FAT3: variants seen among roughly 807,000 people sequenced by gnomAD.
FAT3 encodes the protein FAT atypical cadherin 3.
Under a neutral mutation model 310.2 loss-of-function variants are expected in FAT3, and 95 were observed. That is an observed-to-expected ratio of 0.31 (90% CI 0.26 to 0.36). The LOEUF is 0.36. FAT3 is among the 10% of genes least tolerant of loss of function. The pLI is 1.00. For missense variants in FAT3, 5,408 were observed against 5,715.6 expected (o/e 0.95, Z 1.74); for synonymous variants, 2,314 against 2,192.9 (o/e 1.06, Z -1.54).
chr11:92,590,919 T>C (rs538982550), intron 3 of FAT3, among the ~76,000 whole-genome samples: 4 of 152,158 alleles, frequency 2.6e-5, no homozygotes, highest in East Asian at 1.9e-4. Context: ...ACTAAGTCGA[T>C]TACAAGAAAA....
intron 3 of FAT3, among the ~76,000 whole-genome samples, chr11:92,567,053 A>G (rs1227304655): frequency 2.6e-5 from 4 of 152,212 alleles, no homozygotes; most frequent in African/African-American, 9.6e-5. Flanking sequence ...TAATTAAACT[A>G]AAGAGCTTCT....
chr11:92,504,337 T>G (rs1405281262), intron 2 of FAT3, among the ~76,000 whole-genome samples: 2 of 152,134 alleles, frequency 1.3e-5, no homozygotes, highest in African/African-American at 4.8e-5. Context: ...CTACTATGCC[T>G]GTTTGTTTAA....
At chr11:92,342,237 G>T (rs892295123) in intron 1 of FAT3, among the ~76,000 whole-genome samples, 4 of 152,046 alleles carry the variant, frequency 2.6e-5, no homozygotes, top group African/African-American at 7.2e-5. Flanking sequence ...TTTGGAAAAT[G>T]GTCACGTGAT....
intron 1 of FAT3, among the ~76,000 whole-genome samples, chr11:92,330,883 G>A (rs1207924356): frequency 2.0e-5 from 3 of 151,904 alleles, no homozygotes; most frequent in Non-Finnish European, 4.4e-5. Flanking sequence ...ATTTTAATGA[G>A]TTCACATTGA....
chr11:92,602,650 CAG>C lies in FAT3; in HGVS notation c.3607+77705_3607+77706del, dbSNP rs61537919. ...TGTGGCTGAAGCATGCAGCAGGTCA[CAG>C]AGGCACTGATGATCCACCTACTCAG... On this transcript the variant is annotated intron_variant, in intron 3 of 27. Transcript: ENST00000525166. Among the ~76,000 whole-genome samples the C allele has an allele frequency of 4.0e-3, 604 of 152,330 alleles. 5 individuals are homozygous for C. Among genetic ancestry groups the C allele is most frequent in the African/African-American group, 0.014 (578 of 41,592 alleles).
intron 3 of FAT3, among the ~76,000 whole-genome samples, chr11:92,614,606 A>G (rs2135638440): frequency 6.6e-6 from 1 of 152,330 alleles, no homozygotes; most frequent in East Asian, 1.9e-4. Flanking sequence ...TATTCTGGAT[A>G]GAAATTCTTC....
At chr11:92,564,704 A>G (rs1263246258) in intron 3 of FAT3, among the ~76,000 whole-genome samples, 8 of 152,050 alleles carry the variant, frequency 5.3e-5, no homozygotes, top group South Asian at 4.2e-4. Context: ...CCACAGTGCA[A>G]TCAAACTAGA....
At chr11:92,480,092 C>A (rs1468863988) in intron 2 of FAT3, among the ~76,000 whole-genome samples, 2 of 152,000 alleles carry the variant, frequency 1.3e-5, no homozygotes, top group African/African-American at 4.8e-5. Flanking sequence ...GGTGAAACCC[C>A]ATCTCTACTA....
At chr11:92,237,174 A>G (rs904823390) in intron 1 of FAT3, among the ~76,000 whole-genome samples, 1 of 152,208 alleles carries the variant, frequency 6.6e-6, no homozygotes, top group Non-Finnish European at 1.5e-5. Flanking sequence ...AAAAATCCTT[A>G]TAAATAGTGG....
intron 2 of FAT3, chr11:92,366,764 G>A: frequency 1.9e-6 from 1 of 532,144 alleles, no homozygotes; most frequent in Non-Finnish European, 3.8e-6. Context: ...AAAGAGTAGA[G>A]CTCTGGTGGT....
At chr11:92,417,151 A>C (rs1349691768) in intron 2 of FAT3, among the ~76,000 whole-genome samples, 1 of 152,196 alleles carries the variant, frequency 6.6e-6, no homozygotes, top group Non-Finnish European at 1.5e-5. Flanking sequence ...GTTCTTAAGA[A>C]TCCATGGTGA....
At chr11:92,614,043 A>C (rs976454565) in intron 3 of FAT3, among the ~76,000 whole-genome samples, 1 of 152,092 alleles carries the variant, frequency 6.6e-6, no homozygotes, top group Non-Finnish European at 1.5e-5. Context: ...GCATGTTTTC[A>C]AGGGTCATTA....
intron 2 of FAT3, among the ~76,000 whole-genome samples, chr11:92,486,129 GGTTTTTTTTTTT>G (rs1372172308): frequency 7.2e-5 from 2 of 27,670 alleles, no homozygotes; most frequent in African/African-American, 1.7e-4. Flanking sequence ...AGGCTGCTGG[GGTTTTTTTTTTT>G]TTTTTTTTTT....
At chr11:92,347,426 A>G (rs371253274) in intron 1 of FAT3, among the ~76,000 whole-genome samples, 1 of 151,728 alleles carries the variant, frequency 6.6e-6, no homozygotes, top group East Asian at 1.9e-4. Context: ...AAGAGAGGGA[A>G]TGAAAATGAA....
chr11:92,474,734 A>G (rs1333263938), intron 2 of FAT3, among the ~76,000 whole-genome samples: 3 of 152,298 alleles, frequency 2.0e-5, no homozygotes, highest in Non-Finnish European at 2.9e-5. Flanking sequence ...TACCAAGTAA[A>G]GAGGTGAAGG....
intron 1 of FAT3, among the ~76,000 whole-genome samples, chr11:92,264,759 G>A (rs1945885580): frequency 6.6e-6 from 1 of 152,150 alleles, no homozygotes; most frequent in African/African-American, 2.4e-5. Flanking sequence ...GGCTCCTTGT[G>A]GAGGTCCCAG....
chr11:92,276,062 C>T (rs1308726578), intron 1 of FAT3, among the ~76,000 whole-genome samples: 1 of 151,942 alleles, frequency 6.6e-6, no homozygotes, highest in African/African-American at 2.4e-5. Context: ...TGACACATGA[C>T]AGAATACTTT....
intron 4 of FAT3, among the ~76,000 whole-genome samples, chr11:92,736,694 C>A (rs1945359938): frequency 6.6e-6 from 1 of 152,122 alleles, no homozygotes; most frequent in African/African-American, 2.4e-5. Context: ...GTAGAAATTT[C>A]ATTTTTAGGA....
intron 3 of FAT3, among the ~76,000 whole-genome samples, chr11:92,644,527 A>G (rs1439294618): frequency 6.6e-6 from 1 of 152,060 alleles, no homozygotes; most frequent in Non-Finnish European, 1.5e-5. Flanking sequence ...TGCCTAAAAT[A>G]AAATGTTCAC....
Sources: allele counts gnomAD v4.1 joint callset (sites outside exome capture counted in the v4.1 genomes callset), GRCh38; gene constraint gnomAD v4.1.1; transcripts MANE v1.5; gene names NCBI Gene and HGNC (gene_info 2026-07-23, HGNC 2026-07-21).